STON2: variants seen among roughly 807,000 people sequenced by gnomAD.
STON2 encodes stonin-2.
A neutral mutation model predicts 65.7 loss-of-function variants in STON2; 29 were observed. That is an observed-to-expected ratio of 0.44 (90% confidence interval 0.33 to 0.60). STON2 has a LOEUF of 0.60. Ranked by LOEUF, STON2 falls within the 20% of genes least tolerant of loss-of-function variation. The pLI, the probability that STON2 is intolerant of heterozygous loss-of-function variation, is 0.03. For missense variants in STON2, 1,054 were observed against 1,118.1 expected (o/e 0.94, Z 0.82); for synonymous variants, 404 against 414.2 (o/e 0.98, Z 0.30).
chr14:81,354,276 A>G (rs1898136135), intron 4 of STON2, among the ~76,000 whole-genome samples: 1 of 152,214 alleles, frequency 6.6e-6, no homozygotes, highest in Non-Finnish European at 1.5e-5. Flanking sequence ...ATGCAAGGCA[A>G]AGGAAGCAGC....
At chr14:81,407,447 A>G (rs1315642187) in intron 2 of STON2, among the ~76,000 whole-genome samples, 1 of 152,248 alleles carries the variant, frequency 6.6e-6, no homozygotes, top group African/African-American at 2.4e-5. Flanking sequence ...TAATACAAAA[A>G]CATTACTTGT....
At chr14:81,386,888 C>T (rs919685503) in intron 3 of STON2, among the ~76,000 whole-genome samples, 5 of 151,962 alleles carry the variant, frequency 3.3e-5, no homozygotes, top group Non-Finnish European at 2.9e-5. Flanking sequence ...GTAAAATGTA[C>T]GTACTTAAAA....
chr14:81,419,867 G>A (rs780327757), intron 2 of STON2, among the ~76,000 whole-genome samples: 32 of 152,124 alleles, frequency 2.1e-4, no homozygotes, highest in African/African-American at 6.5e-4. Context: ...AACATAAGAC[G>A]GAGTGGGCCT....
In STON2 at chr14:81,278,656, G is replaced by T; in HGVS notation, c.826C>A (p.His276Asn). 6.4e-7 allele frequency: 1 copy of T among 1,555,776 alleles called. No individual in the cohort carries two copies. The highest frequency in any genetic ancestry group is 8.7e-7 in the Non-Finnish European group (1 of 1,150,590). ...GCAGAGGTCACTGGAGGGGCAGGGT[G>T]CCCATTCATGGCTGGACTGCTGGCC... ...WQASSPAMNG[H>N]PAPPVTSARF... The change falls in exon 6 of 8, where the codon CAC (histidine) becomes AAC (asparagine). Residue 276 changes from histidine (H) to asparagine (N), a missense_variant. By Grantham distance (68) the His-to-Asn change is moderately conservative. Coordinates refer to ENST00000614646, the MANE Select transcript of STON2 (RefSeq NM_001394390.1).
chr14:81,382,829 C>T (rs1899593468), intron 3 of STON2, among the ~76,000 whole-genome samples: 1 of 152,166 alleles, frequency 6.6e-6, no homozygotes, highest in South Asian at 2.1e-4. Flanking sequence ...AAAATGCCAA[C>T]GTTTCTCTTG....
At position 81,412,373 on chromosome 14, in the gene STON2, A is replaced by T. The variant is rs573033291; in HGVS notation, c.-198-13793T>A. On this transcript the variant is annotated intron_variant, in intron 2 of 8. Coordinates refer to the STON2 transcript ENST00000553821. The stretch of plus-strand genomic sequence containing the variant: ...TGAATGGGATGGATAAGCAAAATGT[A>T]GTATATACATGCAATGGAACATTAT... Among the ~76,000 whole-genome samples the T allele has an allele frequency of 9.3e-5, 13 of 140,282 alleles. 3 individuals carry two copies. Among genetic ancestry groups the T allele is most frequent in the African/African-American group, 3.8e-4 (13 of 34,288 alleles). The allele number at this position is 140,282 out of a possible 152,430, so 92.0% of individuals were successfully genotyped here.
At chr14:81,432,016 C>CG (rs1241592588) in intron 1 of STON2, among the ~76,000 whole-genome samples, 5 of 152,138 alleles carry the variant, frequency 3.3e-5, no homozygotes, top group African/African-American at 1.2e-4. Flanking sequence ...CTGCACTCAT[C>CG]CTACCTTCAA....
intron 2 of STON2, among the ~76,000 whole-genome samples, chr14:81,422,931 A>T (rs768458713): frequency 6.6e-6 from 1 of 151,824 alleles, no homozygotes; most frequent in Non-Finnish European, 1.5e-5. Context: ...GCTACTCAAG[A>T]GGCTGAGGTA....
chr14:81,274,103 C>T (rs1894710230), intron 6 of STON2, among the ~76,000 whole-genome samples: 1 of 152,146 alleles, frequency 6.6e-6, no homozygotes, highest in African/African-American at 2.4e-5. Flanking sequence ...AACTTACATT[C>T]TGCCTGGAAT....
intron 6 of STON2, among the ~76,000 whole-genome samples, chr14:81,272,078 C>T (rs983927481): frequency 2.0e-5 from 3 of 152,162 alleles, no homozygotes; most frequent in East Asian, 1.9e-4. Context: ...AAAAATTAGC[C>T]GGGCGTGGTG....
intron 5 of STON2, among the ~76,000 whole-genome samples, chr14:81,309,500 T>C (rs1896340404): frequency 6.6e-6 from 1 of 152,216 alleles, no homozygotes; most frequent in African/African-American, 2.4e-5. Context: ...TTTAAATCAC[T>C]TAATTATCCT....
Position 81,277,538 on chromosome 14 carries a change from G to A in STON2, c.1944C>T (p.Leu648=). The part of the protein sequence containing the change: ...GIVSKGDNQI[L]QHHVLTRIHI... ...GGATCCGTGTCAAGACATGGTGCTG[G>A]AGAATCTGGTTGTCTCCTTTGCTCA... The change falls in exon 6 of 8, where the codon CTC becomes CTT. Residue 648 remains leucine (L), a synonymous_variant. Coordinates refer to ENST00000614646, the MANE Select transcript of STON2 (RefSeq NM_001394390.1). 1 of 1,614,140 alleles carries A rather than the reference G, an allele frequency of 6.2e-7. No homozygotes were observed. The highest frequency in any genetic ancestry group is 8.5e-7 in the Non-Finnish European group (1 of 1,180,032).
At chr14:81,319,197 A>G (rs1896735765) in intron 5 of STON2, among the ~76,000 whole-genome samples, 1 of 152,264 alleles carries the variant, frequency 6.6e-6, no homozygotes, top group Admixed American at 6.5e-5. Flanking sequence ...TTGTTTGTAA[A>G]GCAGCATTAT....
intron 3 of STON2, among the ~76,000 whole-genome samples, chr14:81,375,087 C>T (rs1466704615): frequency 6.6e-6 from 1 of 152,044 alleles, no homozygotes; most frequent in Non-Finnish European, 1.5e-5. Context: ...AGAAAAATAA[C>T]TATGAAGTTA....
At chr14:81,391,951 T>C (rs1900098555) in intron 3 of STON2, among the ~76,000 whole-genome samples, 1 of 152,206 alleles carries the variant, frequency 6.6e-6, no homozygotes, top group Non-Finnish European at 1.5e-5. Context: ...ATTTGAACAC[T>C]GTCATTTCTT....
At chr14:81,302,192 T>A (rs1895994132) in intron 5 of STON2, among the ~76,000 whole-genome samples, 1 of 152,206 alleles carries the variant, frequency 6.6e-6, no homozygotes, top group Non-Finnish European at 1.5e-5. Context: ...CAGCTGCCCC[T>A]CTGTGCCCAG....
At chr14:81,392,050 T>TG (rs1900103693) in intron 3 of STON2, among the ~76,000 whole-genome samples, 1 of 152,192 alleles carries the variant, frequency 6.6e-6, no homozygotes, top group Middle Eastern at 3.2e-3. Flanking sequence ...ACACTTGCCT[T>TG]GGAGGTAAAA....
intron 1 of STON2, among the ~76,000 whole-genome samples, chr14:81,435,925 G>A (rs1335835905): frequency 1.3e-5 from 2 of 152,204 alleles, no homozygotes; most frequent in African/African-American, 2.4e-5. Flanking sequence ...TTTCAGGCGA[G>A]GGGAGTGTAG....
intron 2 of STON2, among the ~76,000 whole-genome samples, chr14:81,413,792 A>G (rs1280164590): frequency 1.4e-5 from 2 of 139,346 alleles, no homozygotes; most frequent in Non-Finnish European, 3.0e-5. Flanking sequence ...GAAAGACTCC[A>G]TCTCAAAAAA....
Sources: gnomAD v4.1 joint callset for allele counts (sites outside exome capture counted in the v4.1 genomes callset) on GRCh38, gnomAD v4.1.1 for gene constraint, MANE v1.5 for transcripts, NCBI Gene and HGNC (gene_info 2026-07-23, HGNC 2026-07-21) for gene names.